Variants in NFIA observed in about 807,000 individuals in gnomAD.
NFIA encodes the protein nuclear factor 1 A-type.
A neutral mutation model predicts 62.8 loss-of-function variants in NFIA; 8 were observed. The ratio of observed to expected loss-of-function variants is 0.13; its 90% CI spans 0.07 to 0.23. The LOEUF (loss-of-function observed/expected upper bound fraction) is 0.23. Ranked by LOEUF, NFIA falls within the 10% of genes least tolerant of loss-of-function variation. The pLI, the probability that NFIA is intolerant of heterozygous loss-of-function variation, is 1.00. For synonymous variants in NFIA, 235 were observed against 238.1 expected, an observed-to-expected ratio of 0.99 and a Z score of 0.12; for missense variants, 410 against 642.1, an observed-to-expected ratio of 0.64 and a Z score of 3.91.
Position 61,456,006 on chromosome 1 carries a change from A to G in NFIA, c.*686A>G, listed in dbSNP as rs1668286883. The G allele has an allele frequency of 6.6e-6, 1 of 152,658 alleles. No homozygotes were observed. Among genetic ancestry groups the G allele is most frequent in the African/African-American group, 2.4e-5 (1 of 41,460 alleles). 9.5% of individuals were successfully genotyped at this position (152,658 alleles called of 1,614,324 possible). A position where few individuals can be genotyped will look rare whatever the true frequency, so the allele number is the denominator to read the frequency against. ...TGGCAAACTACTACTACTACTGTTC[A>G]GTTTTTTAAAAGTTTTGAAATGCTG... On this transcript the variant is annotated 3_prime_UTR_variant, in exon 11 of 11. Coordinates refer to ENST00000403491, the MANE Select transcript of NFIA (RefSeq NM_001134673.4).
intron 2 of NFIA, among the ~76,000 whole-genome samples, chr1:61,226,138 G>GGT (rs1361525243): frequency 6.6e-6 from 1 of 152,142 alleles, no homozygotes; most frequent in African/African-American, 2.4e-5. Flanking sequence ...TATTTAATGT[G>GGT]GTACGATAGT....
At chr1:61,103,118 GTTAA>G (rs1646540077) in intron 2 of NFIA, among the ~76,000 whole-genome samples, 1 of 152,296 alleles carries the variant, frequency 6.6e-6, no homozygotes, top group East Asian at 1.9e-4. Flanking sequence ...TTGTGGTTGA[GTTAA>G]TTAGTGAACA....
At chr1:61,277,006 C>T (rs957736435) in intron 2 of NFIA, among the ~76,000 whole-genome samples, 3 of 152,156 alleles carry the variant, frequency 2.0e-5, no homozygotes, top group African/African-American at 7.2e-5. Flanking sequence ...AATATTAGGA[C>T]TCTAGTATTT....
chr1:61,086,805 C>T (rs766940777), intron 1 of NFIA, among the ~76,000 whole-genome samples: 7 of 152,106 alleles, frequency 4.6e-5, no homozygotes, highest in Non-Finnish European at 8.8e-5. Context: ...ATATTCTGGA[C>T]ATTACTGCTA....
At chr1:61,081,012 A>G (rs1047166094), upstream of NFIA, among the ~76,000 whole-genome samples, 4 of 152,172 alleles carry the variant, frequency 2.6e-5, no homozygotes, top group Non-Finnish European at 5.9e-5. Flanking sequence ...TCCTACAGGA[A>G]TGTCCCCTCT....
intron 2 of NFIA, among the ~76,000 whole-genome samples, chr1:61,208,424 A>G (rs751298426): frequency 1.3e-4 from 20 of 152,166 alleles, no homozygotes; most frequent in Admixed American, 1.3e-4. Context: ...TAGCTTTTCT[A>G]TCTGTATGTT....
At chr1:61,243,783 T>G (rs1385118258) in intron 2 of NFIA, among the ~76,000 whole-genome samples, 1 of 152,220 alleles carries the variant, frequency 6.6e-6, no homozygotes, top group African/African-American at 2.4e-5. Flanking sequence ...AGGCATATTT[T>G]TGCAAATTCC....
intron 2 of NFIA, among the ~76,000 whole-genome samples, chr1:61,250,677 T>C (rs1655970333): frequency 6.6e-6 from 1 of 152,194 alleles, no homozygotes; most frequent in Non-Finnish European, 1.5e-5. Context: ...AGGCTCTATC[T>C]CTTTTCTGAA....
At chr1:61,129,318 T>C (rs1177641446) in intron 2 of NFIA, among the ~76,000 whole-genome samples, 1 of 152,160 alleles carries the variant, frequency 6.6e-6, no homozygotes, top group Non-Finnish European at 1.5e-5. Flanking sequence ...ATTAGTTTAT[T>C]ATGTGTATAT....
chr1:61,436,144 A>G (rs1667317173), intron 10 of NFIA, among the ~76,000 whole-genome samples: 1 of 152,140 alleles, frequency 6.6e-6, no homozygotes, highest in Non-Finnish European at 1.5e-5. Flanking sequence ...TTGTGGTTGC[A>G]GGGGAGCTCT....
At chr1:61,190,894 C>T (rs1343505843) in intron 2 of NFIA, among the ~76,000 whole-genome samples, 1 of 152,134 alleles carries the variant, frequency 6.6e-6, no homozygotes, top group Non-Finnish European at 1.5e-5. Context: ...ACTCTTCTGG[C>T]AGTTTTTAAA....
At chr1:61,167,197 A>G (rs1367079417) in intron 2 of NFIA, among the ~76,000 whole-genome samples, 1 of 152,236 alleles carries the variant, frequency 6.6e-6, no homozygotes, top group Non-Finnish European at 1.5e-5. Flanking sequence ...TCCCATAGTG[A>G]GAAAAATAAC....
chr1:61,406,570 G>A lies in NFIA; in HGVS notation c.1263G>A (p.Gly421=). The A allele has an allele frequency of 7.9e-7, 1 of 1,266,530 alleles. No homozygotes were observed. Among genetic ancestry groups the A allele is most frequent in the Non-Finnish European group, 1.1e-6 (1 of 915,004 alleles). 78.5% of individuals were successfully genotyped at this position (1,266,530 alleles called of 1,614,324 possible). ...AGQVGFLNPN[G]SSQGKVHNPF... Reference sequence around the variant, plus strand: ...CCCCCCCCCCCCCACAGCCCAATGGGAGCAGCCAAGGCAAGGTGCACAACC... The same window carrying A: ...CCCCCCCCCCCCCACAGCCCAATGGAAGCAGCCAAGGCAAGGTGCACAACC... The change falls in exon 9 of 11, where the codon GGG becomes GGA. Residue 421 remains glycine, a synonymous_variant. Coordinates refer to ENST00000403491, the MANE Select transcript of NFIA (RefSeq NM_001134673.4).
intron 2 of NFIA, chr1:61,133,072 G>A (rs1008027085): frequency 1.3e-5 from 2 of 152,100 alleles, no homozygotes; most frequent in Non-Finnish European, 2.9e-5. Flanking sequence ...TGCTTAAAAC[G>A]ATCCTGTAAA....
At chr1:61,092,311 G>A (rs1311647624) in intron 2 of NFIA, among the ~76,000 whole-genome samples, 5 of 152,154 alleles carry the variant, frequency 3.3e-5, no homozygotes, top group African/African-American at 1.2e-4. Flanking sequence ...TTGTTAATTA[G>A]CCAGTGACAA....
At chr1:61,310,463 C>A (rs1413630775) in intron 3 of NFIA, among the ~76,000 whole-genome samples, 2 of 152,104 alleles carry the variant, frequency 1.3e-5, no homozygotes, top group African/African-American at 2.4e-5. Flanking sequence ...TGTCAAAATG[C>A]CTGGGGAGGA....
At position 61,431,782 on chromosome 1, in the gene NFIA, G is replaced by A. The variant is rs558816967; in HGVS notation, c.1512+5226G>A. Among the ~76,000 whole-genome samples, 28 of 152,338 alleles carry A rather than the reference G, an allele frequency of 1.8e-4. No homozygotes were observed. The South Asian group carries it at 5.6e-3, about 30-fold the overall frequency. On this transcript the variant is annotated intron_variant, in intron 10 of 10. Coordinates refer to ENST00000403491, the MANE Select transcript of NFIA (RefSeq NM_001134673.4). ...CCTCTGGTGGGGGTGCACCCAGAAT[G>A]GGAGAGGTGGAGATCATGGAGAGCA...
chr1:61,082,870 G>T (rs1646139014), intron 1 of NFIA, 52 bp downstream of exon 1: 1 of 1,529,928 alleles, frequency 6.5e-7, no homozygotes, highest in East Asian at 2.5e-5. Context: ...GCCGGGGGCA[G>T]GGCTGGGGCT....
intron 2 of NFIA, among the ~76,000 whole-genome samples, chr1:61,184,702 C>G (rs1156942622): frequency 6.6e-6 from 1 of 152,146 alleles, no homozygotes; most frequent in Admixed American, 6.5e-5. Flanking sequence ...TGATAGGAGC[C>G]GTGCTCCAAG....
Sources: gnomAD v4.1 joint callset for allele counts (sites outside exome capture counted in the v4.1 genomes callset) on GRCh38, gnomAD v4.1.1 for gene constraint, MANE v1.5 for transcripts, NCBI Gene and HGNC (gene_info 2026-07-23, HGNC 2026-07-21) for gene names.